DDX3X: variants seen among roughly 807,000 people sequenced by gnomAD.
DDX3X encodes the protein DEAD-box helicase 3 X-linked.
DDX3X carries 4 observed loss-of-function variants against 52.7 expected under a neutral mutation model. The ratio of observed to expected loss-of-function variants is 0.08; its 90% CI spans 0.04 to 0.17. DDX3X has a LOEUF of 0.17. Ranked by LOEUF, DDX3X falls within the 10% of genes least tolerant of loss-of-function variation. The pLI, the probability that DDX3X is intolerant of heterozygous loss-of-function variation, is 1.00. For missense variants in DDX3X, 222 were observed against 548.6 expected, an observed-to-expected ratio of 0.40 and a Z score of 5.95; for synonymous variants, 192 against 178.1, an observed-to-expected ratio of 1.08 and a Z score of -0.62.
downstream of DDX3X, among the ~76,000 whole-genome samples, chrX:41,355,258 T>C (rs188503347): frequency 7.1e-5 from 8 of 112,014 alleles, no homozygotes; most frequent in East Asian, 2.2e-3. Flanking sequence ...TATGAACCTA[T>C]ATACAGGTTT....
upstream of DDX3X, chrX:41,333,633 C>T (rs922337250): frequency 2.5e-4 from 27 of 109,670 alleles, no homozygotes; most frequent in African/African-American, 7.4e-4. Context: ...AGAGCGAGGG[C>T]AGATTAGACC....
intron 5 of DDX3X, among the ~76,000 whole-genome samples, chrX:41,363,831 C>T (rs912538329): frequency 3.6e-5 from 4 of 111,248 alleles, no homozygotes; most frequent in Admixed American, 1.9e-4. Flanking sequence ...TGCCGCAATC[C>T]TTCCACTACT....
chrX:41,358,767 T>C (rs996844146), intron 5 of DDX3X, among the ~76,000 whole-genome samples: 3 of 111,197 alleles, frequency 2.7e-5, no homozygotes, highest in Non-Finnish European at 5.7e-5. Flanking sequence ...TTTTTATTTT[T>C]TATTTTTTGA....
intron 1 of DDX3X, chrX:41,334,703 G>T: frequency 1.0e-6 from 1 of 1,003,149 alleles, no homozygotes; most frequent in Admixed American, 3.0e-5. Flanking sequence ...CTTCACGGCT[G>T]GCGCAGCCTG....
intron 1 of DDX3X, chrX:41,336,247 T>C (rs1297522859): frequency 8.9e-6 from 1 of 112,001 alleles, no homozygotes; most frequent in Non-Finnish European, 1.9e-5. Context: ...TGAAACACTT[T>C]GCATGTATAG....
chrX:41,345,045 G>T lies in DDX3X; in HGVS notation c.1026-135G>T, dbSNP rs1050378305. On this transcript the variant is annotated intron_variant, in intron 10 of 16. Transcript: ENST00000644876. ...TGTCTGTAAAATTATGCAGTGTGAG[G>T]CACCATCTTAATGAATATATAATTG... The T allele has an allele frequency of 8.4e-6, 5 of 597,352 alleles. No individual in the cohort carries two copies. The Admixed American group carries it at 1.4e-4, about 16-fold the overall frequency. 49.2% of individuals were successfully genotyped at this position (597,352 alleles called of 1,213,427 possible).
chrX:41,350,532 T>C (rs190542968), downstream of DDX3X: 9 of 111,926 alleles, frequency 8.0e-5, no homozygotes, highest in African/African-American at 2.6e-4. Context: ...GTATCTATTA[T>C]GAAGGATGGT....
In DDX3X at chrX:41,348,777, T is replaced by C. The variant is rs1400264049; in HGVS notation, c.*1058T>C. The C allele has an allele frequency of 1.8e-5, 2 of 112,276 alleles. No homozygotes were observed. The highest frequency in any genetic ancestry group is 3.8e-5 in the Non-Finnish European group (2 of 53,209). The allele number at this position is 112,276 out of a possible 1,213,427, so 9.3% of individuals were successfully genotyped here. ...AGCAGGCTTTATTTTAAATGCCGAT[T>C]CACATTACTCTGTTCAAGCTGCGTT... On this transcript the variant is annotated 3_prime_UTR_variant, in exon 17 of 17. Transcript: ENST00000644876.
intron 4 of DDX3X, 38 bp downstream of exon 4, chrX:41,341,654 T>G: frequency 8.6e-7 from 1 of 1,168,691 alleles, no homozygotes; most frequent in Non-Finnish European, 1.2e-6. Context: ...GTATGTATAA[T>G]AACAGTTTAA....
In DDX3X at chrX:41,349,614, C is replaced by T. The variant is rs2147364871; in HGVS notation, c.*1895C>T. 1 of 112,473 alleles carries T rather than the reference C, an allele frequency of 8.9e-6. No homozygotes were observed. Among genetic ancestry groups the T allele is most frequent in the Non-Finnish European group, 1.9e-5 (1 of 53,258 alleles). The allele number at this position is 112,473 out of a possible 1,213,427, so 9.3% of individuals were successfully genotyped here. A position where few individuals can be genotyped will look rare whatever the true frequency, so the allele number is the denominator to read the frequency against. ...AAAAGACAGTACAAAAACACTGGCA[C>T]TTGAATGTTGAATGTCACCGTATGC... On this transcript the variant is annotated 3_prime_UTR_variant, in exon 17 of 17. Transcript: ENST00000644876.
chrX:41,342,286 T>C, intron 4 of DDX3X: 1 of 411,349 alleles, frequency 2.4e-6, no homozygotes, highest in Non-Finnish European at 4.1e-6. Flanking sequence ...TACAACTTTA[T>C]AGAAATGTAA....
At chrX:41,347,166 A>G (rs1261689993) in intron 15 of DDX3X, 146 bp from the exon 16 acceptor site, 1 of 909,392 alleles carries the variant, frequency 1.1e-6, no homozygotes, top group African/African-American at 2.0e-5. Flanking sequence ...GGGTTGTATT[A>G]GAATGGGTGA....
At position 41,345,349 on chromosome X, in the gene DDX3X, A is replaced by C. The variant is rs1487629144; in HGVS notation, c.1170+25A>C. On this transcript the variant is annotated intron_variant, in intron 11 of 16. Transcript: ENST00000644876. Reference sequence around the variant, plus strand: ...GGTACTGTTTGATGTTGCAAATTTTATTTATTTAGAAATTTGTTTATCTCA... The same window carrying C: ...GGTACTGTTTGATGTTGCAAATTTTCTTTATTTAGAAATTTGTTTATCTCA... 3 of 1,201,455 alleles carry C rather than the reference A, an allele frequency of 2.5e-6. No homozygotes were observed. The South Asian group carries it at 5.5e-5, about 22-fold the overall frequency.
At chrX:41,339,331 A>G (rs1304279894) in intron 3 of DDX3X, 7 of 170,754 alleles carry the variant, frequency 4.1e-5, no homozygotes, top group Non-Finnish European at 7.8e-5. Flanking sequence ...GTACAGTTTC[A>G]CTAGTGTTGT....
Position 41,343,199 on chromosome X carries a change from A to G in DDX3X, c.544-17A>G, listed in dbSNP as rs762956543. ...AGCTCTAGATAGCATTCCTAACCCC[A>G]TTGAATTTCTTAACAGTTCAGTGAT... is the stretch of plus-strand genomic sequence containing the variant. On this transcript the variant is annotated splice_polypyrimidine_tract_variant and intron_variant, in intron 6 of 16. Coordinates refer to ENST00000644876, the MANE Select transcript of DDX3X (RefSeq NM_001356.5). 5.8e-6 allele frequency: 7 copies of G among 1,203,134 alleles called. No homozygotes were observed. The East Asian group carries it at 1.5e-4, about 25-fold the overall frequency.
intron 14 of DDX3X, 104 bp from the exon 15 acceptor site, chrX:41,346,755 T>G: frequency 3.1e-6 from 3 of 962,418 alleles, no homozygotes; most frequent in South Asian, 4.7e-5. Context: ...TGTTTAAATA[T>G]TACGTGGTAA....
intron 5 of DDX3X, chrX:41,358,150 T>C: frequency 4.2e-6 from 1 of 236,677 alleles, no homozygotes; most frequent in Non-Finnish European, 7.2e-6. Context: ...TGACCTCTGC[T>C]CACCGCAACC....
downstream of DDX3X, chrX:41,351,101 T>C (rs2063982278): frequency 9.0e-6 from 1 of 111,406 alleles, no homozygotes; most frequent in Non-Finnish European, 1.9e-5. Context: ...AAAATAAGCA[T>C]GGAAAGGTTT....
rs763252865 is a variant in DDX3X, at chrX:41,350,099, C to T, written c.*2380C>T. On this transcript the variant is annotated 3_prime_UTR_variant, in exon 17 of 17. Coordinates refer to ENST00000644876, the MANE Select transcript of DDX3X (RefSeq NM_001356.5). ...AACTTGCTGAATGTAAAGATTGAAC[C>T]TCAAGTCACTGTAGCTTTAGTAATT... 2 of 111,922 alleles carry T rather than the reference C, an allele frequency of 1.8e-5. No individual in the cohort carries two copies. Among genetic ancestry groups the T allele is most frequent in the African/African-American group, 6.5e-5 (2 of 30,812 alleles). 9.2% of individuals were successfully genotyped at this position (111,922 alleles called of 1,213,427 possible).
Sources: gnomAD v4.1 joint callset for allele counts (sites outside exome capture counted in the v4.1 genomes callset) on GRCh38, gnomAD v4.1.1 for gene constraint, MANE v1.5 for transcripts, NCBI Gene and HGNC (gene_info 2026-07-23, HGNC 2026-07-21) for gene names.